Variants in IAH1 observed in about 807,000 individuals in gnomAD.
IAH1 encodes the protein isoamyl acetate hydrolyzing esterase 1 (putative).
Under a neutral mutation model 26.7 loss-of-function variants are expected in IAH1, and 24 were observed. That is an observed-to-expected ratio of 0.90 (90% CI 0.65 to 1.26). The LOEUF (loss-of-function observed/expected upper bound fraction) is 1.26. Ranked by LOEUF, IAH1 falls within the 50% of genes most tolerant of loss-of-function variation. IAH1 has a pLI of 0.00. For missense variants in IAH1, 300 were observed against 299.9 expected, an observed-to-expected ratio of 1.00 and a Z score of 0.00; for synonymous variants, 140 against 118.5, an observed-to-expected ratio of 1.18 and a Z score of -1.18.
Position 9,488,415 on chromosome 2 carries a change from A to C in IAH1, c.*86A>C. 9.5e-7 allele frequency: 1 copy of C among 1,050,850 alleles called. No homozygotes were observed. Among genetic ancestry groups the C allele is most frequent in the Non-Finnish European group, 1.4e-6 (1 of 733,780 alleles). 65.1% of individuals were successfully genotyped at this position (1,050,850 alleles called of 1,614,324 possible). On this transcript the variant is annotated 3_prime_UTR_variant, in exon 6 of 6. Coordinates refer to ENST00000497473, the MANE Select transcript of IAH1 (RefSeq NM_001039613.3). Reference sequence around the variant, plus strand: ...GAGGTACGCTTTTTTCCTCAGGCTTAAACCTTTGCCACTGATATTAATAAT... The same window carrying C: ...GAGGTACGCTTTTTTCCTCAGGCTTCAACCTTTGCCACTGATATTAATAAT...
the IAH1 span, chr2:9,505,309 C>T: frequency 1.9e-5 from 30 of 1,614,064 alleles, no homozygotes; most frequent in Non-Finnish European, 2.5e-5. Context: ...GAAAACACTC[C>T]TGGGCCTTAC....
At chr2:9,493,941 C>A, downstream of IAH1, 1 of 769,252 alleles carries the variant, frequency 1.3e-6, no homozygotes, top group South Asian at 2.0e-5. Flanking sequence ...AAACGTTTTC[C>A]CATCTTTGAC....
chr2:9,474,728 C>A lies in IAH1; in HGVS notation c.81+81C>A. On this transcript the variant is annotated intron_variant, in intron 1 of 5. Transcript: ENST00000497473. This position sits in a 1 kb window ranked among gnomAD's most constrained non-coding sequence, Gnocchi z 4.3. ...CGAGCAGGCCGAGGCTCCTCGCCGT[C>A]CTCTTCGGCGCCCGAGACGGCTGGG... 9.1e-7 allele frequency: 1 copy of A among 1,096,778 alleles called. No homozygotes were observed. The highest frequency in any genetic ancestry group is 1.3e-6 in the Non-Finnish European group (1 of 790,998). 67.9% of individuals were successfully genotyped at this position (1,096,778 alleles called of 1,614,324 possible). A position where few individuals can be genotyped will look rare whatever the true frequency, so the allele number is the denominator to read the frequency against.
At chr2:9,474,275 G>A (rs1390078096), upstream of IAH1, among the ~76,000 whole-genome samples, 1 of 152,116 alleles carries the variant, frequency 6.6e-6, no homozygotes, top group Non-Finnish European at 1.5e-5. The surrounding 1 kb of genome is among the most constrained non-coding windows in gnomAD (Gnocchi z 4.3). Flanking sequence ...TTTGCCGAAC[G>A]CACCTGCGCC....
the IAH1 span, among the ~76,000 whole-genome samples, chr2:9,504,796 T>C: frequency 3.3e-5 from 5 of 151,658 alleles, no homozygotes; most frequent in African/African-American, 9.7e-5. Context: ...CTTTTAACTA[T>C]AGGACTGCTA....
downstream of IAH1, chr2:9,491,210 A>G (rs1284985030): frequency 3.7e-5 from 56 of 1,497,934 alleles, no homozygotes; most frequent in Admixed American, 9.5e-4. Context: ...AGTGAGTACT[A>G]TTTCATCACA....
chr2:9,505,227 A>G, the IAH1 span: 8 of 1,614,202 alleles, frequency 5.0e-6, no homozygotes, highest in Non-Finnish European at 6.8e-6. Flanking sequence ...TTGTTCAGAT[A>G]CATGATGCCA....
intron 3 of IAH1, among the ~76,000 whole-genome samples, chr2:9,480,484 G>A (rs763886014): frequency 3.3e-5 from 5 of 152,186 alleles, no homozygotes; most frequent in Non-Finnish European, 7.4e-5. Context: ...GTGATGGAGC[G>A]AGAACCTGTC....
chr2:9,488,514 G>T lies in IAH1; in HGVS notation c.*185G>T. Reference sequence around the variant, plus strand: ...TGTTTCGACAGTATTTATTAATGCAGATATCAGTGCTACAGCTATAAAATA... The same window carrying T: ...TGTTTCGACAGTATTTATTAATGCATATATCAGTGCTACAGCTATAAAATA... On this transcript the variant is annotated 3_prime_UTR_variant, in exon 6 of 6. Transcript: ENST00000497473. The T allele has an allele frequency of 2.1e-6, 1 of 480,388 alleles. No homozygotes were observed. Among genetic ancestry groups the T allele is most frequent in the Non-Finnish European group, 3.6e-6 (1 of 275,432 alleles). The allele number at this position is 480,388 out of a possible 1,614,324, so 29.8% of individuals were successfully genotyped here.
downstream of IAH1, chr2:9,496,970 C>A (rs1028197017): frequency 2.7e-5 from 34 of 1,259,750 alleles, no homozygotes; most frequent in Non-Finnish European, 3.5e-5. Context: ...TCTCCAGACA[C>A]CACCCTGCCC....
intron 3 of IAH1, among the ~76,000 whole-genome samples, chr2:9,479,627 G>A (rs749192716): frequency 3.9e-5 from 6 of 151,996 alleles, no homozygotes; most frequent in Non-Finnish European, 8.8e-5. Flanking sequence ...CAGCTGACAC[G>A]CATGAAATAA....
the IAH1 span, among the ~76,000 whole-genome samples, chr2:9,508,698 G>A: frequency 2.0e-5 from 3 of 152,266 alleles, no homozygotes; most frequent in South Asian, 4.1e-4. Flanking sequence ...TGGGCTAGTG[G>A]CTACTATACT....
chr2:9,488,259 T>A lies in IAH1; in HGVS notation c.677T>A (p.Leu226Gln). 1 of 1,613,758 alleles carries A rather than the reference T, an allele frequency of 6.2e-7. No individual in the cohort carries two copies. The highest frequency in any genetic ancestry group is 8.5e-7 in the Non-Finnish European group (1 of 1,179,970). ...AAAAAGGTCTCTTCTCTACCTTTGC[T>A]GCTTCCTTACTGGCGGGATGTAGCA... ...IEKKVSSLPLLLPYWRDVAEA... is the reference protein window; with the variant it reads ...IEKKVSSLPLQLPYWRDVAEA... Residue 226 changes from leucine to glutamine, a missense_variant, in exon 6 of 6, where the codon CTG becomes CAG. Coordinates refer to ENST00000497473, the MANE Select transcript of IAH1 (RefSeq NM_001039613.3).
chr2:9,510,266 ACCAG>A, the IAH1 span: 1 of 1,003,880 alleles, frequency 1.0e-6, no homozygotes, highest in East Asian at 2.6e-5. Flanking sequence ...TGCTTATAAT[ACCAG>A]CACTTTAGGA....
At position 9,474,691 on chromosome 2, in the gene IAH1, CG is replaced by C; in HGVS notation, c.81+48del. On this transcript the variant is annotated intron_variant, in intron 1 of 5. Coordinates refer to ENST00000497473, the MANE Select transcript of IAH1 (RefSeq NM_001039613.3). This position sits in a 1 kb window ranked among gnomAD's most constrained non-coding sequence, Gnocchi z 4.3. ...TCGGCCTCCCGCCCCGGCCTCCCTG[CG>C]GGGTCGCTGCCGAGCAGGCCGAGGC... The C allele has an allele frequency of 7.0e-7, 1 of 1,433,196 alleles. No homozygotes were observed. Among genetic ancestry groups the C allele is most frequent in the South Asian group, 1.2e-5 (1 of 80,240 alleles). The allele number at this position is 1,433,196 out of a possible 1,614,324, so 88.8% of individuals were successfully genotyped here.
intron 5 of IAH1, chr2:9,487,616 T>C (rs1009186182): frequency 6.6e-6 from 1 of 152,384 alleles, no homozygotes; most frequent in African/African-American, 2.4e-5. Context: ...CAGGGTTCTC[T>C]GTGTGTTCAA....
chr2:9,490,105 G>A, downstream of IAH1: 2 of 1,327,804 alleles, frequency 1.5e-6, no homozygotes, highest in Non-Finnish European at 2.0e-6. Flanking sequence ...CAAAATACAA[G>A]CTGTGATTGA....
At chr2:9,476,110 G>A (rs1363087619) in intron 2 of IAH1, 71 bp downstream of exon 2, 2 of 1,311,672 alleles carry the variant, frequency 1.5e-6, no homozygotes, top group African/African-American at 1.5e-5. Flanking sequence ...TATGGATGAA[G>A]GATAGTTCTG....
At chr2:9,497,252 G>C (rs747557857), downstream of IAH1, 1 of 1,613,934 alleles carries the variant, frequency 6.2e-7, no homozygotes, top group Admixed American at 1.7e-5. Context: ...CTATTACCTG[G>C]AAGCAAACAC....
Sources: gnomAD v4.1 joint callset for allele counts (sites outside exome capture counted in the v4.1 genomes callset) on GRCh38, gnomAD v4.1.1 for gene constraint, Gnocchi (gnomAD v3.1) non-coding constraint, MANE v1.5 for transcripts, NCBI Gene and HGNC (gene_info 2026-07-23, HGNC 2026-07-21) for gene names.